Variants in TMEM131 observed in about 807,000 individuals in gnomAD.
TMEM131 encodes transmembrane protein 131.
A neutral mutation model predicts 211.6 loss-of-function variants in TMEM131; 66 were observed. The observed-to-expected ratio is 0.31, with a 90% CI of 0.26 to 0.38. TMEM131 has a LOEUF of 0.38. TMEM131 is among the 10% of genes least tolerant of loss of function. The pLI, the probability that TMEM131 is intolerant of heterozygous loss-of-function variation, is 1.00. For missense variants in TMEM131, 2,036 were observed against 2,299.3 expected (o/e 0.89, Z 2.34); for synonymous variants, 844 against 841.3 (o/e 1.00, Z -0.06).
At chr2:97,871,682 A>AT (rs1674494477) in intron 4 of TMEM131, among the ~76,000 whole-genome samples, 1 of 152,160 alleles carries the variant, frequency 6.6e-6, no homozygotes, top group Non-Finnish European at 1.5e-5. Flanking sequence ...ACCAATCAAC[A>AT]TTCCTCATTC....
chr2:97,977,952 T>TG (rs1469454576), intron 1 of TMEM131, among the ~76,000 whole-genome samples: 5 of 151,906 alleles, frequency 3.3e-5, no homozygotes, highest in East Asian at 1.9e-4. Flanking sequence ...CCAGGTGTGG[T>TG]GGGGGGCGCC....
At chr2:97,957,284 G>A (rs904158340) in intron 1 of TMEM131, among the ~76,000 whole-genome samples, 6 of 152,044 alleles carry the variant, frequency 3.9e-5, no homozygotes. Flanking sequence ...ATTTTGTTGT[G>A]CCTGGTACTT....
intron 4 of TMEM131, among the ~76,000 whole-genome samples, chr2:97,871,085 G>T (rs1674471933): frequency 6.6e-6 from 1 of 152,112 alleles, no homozygotes; most frequent in Non-Finnish European, 1.5e-5. Context: ...TTATAGCCAT[G>T]AAGTACCTAC....
At chr2:97,993,658 G>A (rs1466899616) in intron 1 of TMEM131, among the ~76,000 whole-genome samples, 1 of 152,108 alleles carries the variant, frequency 6.6e-6, no homozygotes, top group Non-Finnish European at 1.5e-5. Context: ...CCAGGCCACT[G>A]GCTGATTCAA....
chr2:97,977,530 A>G (rs1374191236), intron 1 of TMEM131, among the ~76,000 whole-genome samples: 2 of 152,330 alleles, frequency 1.3e-5, no homozygotes, highest in Non-Finnish European at 2.9e-5. Flanking sequence ...TCACACAATA[A>G]AGCAAGTCAG....
intron 1 of TMEM131, among the ~76,000 whole-genome samples, chr2:97,976,626 A>G (rs1448778807): frequency 2.6e-5 from 4 of 152,192 alleles, no homozygotes; most frequent in Admixed American, 6.5e-5. Context: ...TCAATACCCA[A>G]GAAGGCTCTG....
intron 28 of TMEM131, 91 bp from the exon 29 acceptor site, chr2:97,795,206 T>C (rs1160904764): frequency 2.2e-6 from 2 of 890,070 alleles, no homozygotes; most frequent in South Asian, 2.1e-5. Context: ...CTTTGAAATA[T>C]AACACAGAAT....
intron 2 of TMEM131, chr2:97,913,113 A>C (rs972932111): frequency 6.6e-6 from 1 of 152,152 alleles, no homozygotes; most frequent in African/African-American, 2.4e-5. Context: ...AGAGTTAAAA[A>C]ACTAAGAGGC....
chr2:97,853,871 A>G lies in TMEM131; in HGVS notation c.483+5433T>C, dbSNP rs141410355. Among the ~76,000 whole-genome samples the G allele has an allele frequency of 4.5e-3, 690 of 152,304 alleles. 7 individuals carry two copies. Among genetic ancestry groups the G allele is most frequent in the African/African-American group, 0.016 (665 of 41,562 alleles). On this transcript the variant is annotated intron_variant, in intron 5 of 40. Transcript: ENST00000186436. ...AGTTGTTTCTTAGGGATGAGCAAAA[A>G]AAGTGGTTTCGTGAGATGAAATCTA... is the stretch of plus-strand genomic sequence containing the variant.
At chr2:97,865,206 G>C (rs555857579) in intron 4 of TMEM131, among the ~76,000 whole-genome samples, 13 of 152,332 alleles carry the variant, frequency 8.5e-5, no homozygotes, top group African/African-American at 3.1e-4. Context: ...TAGCTCATAA[G>C]TTCACACACC....
At chr2:97,891,014 C>T (rs1217881748) in intron 3 of TMEM131, among the ~76,000 whole-genome samples, 1 of 152,114 alleles carries the variant, frequency 6.6e-6, no homozygotes, top group Non-Finnish European at 1.5e-5. Flanking sequence ...CGAGTGAGTA[C>T]GATACAAGTT....
chr2:97,783,509 A>G (rs1343024375), intron 31 of TMEM131, among the ~76,000 whole-genome samples: 1 of 152,134 alleles, frequency 6.6e-6, no homozygotes, highest in African/African-American at 2.4e-5. Flanking sequence ...GGGGGAAAGC[A>G]AAGAAACATA....
chr2:97,846,254 T>C (rs1430970763), intron 5 of TMEM131, among the ~76,000 whole-genome samples: 1 of 152,178 alleles, frequency 6.6e-6, no homozygotes, highest in Non-Finnish European at 1.5e-5. Context: ...TTGAAAAGTA[T>C]AAGCCAATAT....
chr2:97,767,754 A>C (rs1679243856), intron 33 of TMEM131, among the ~76,000 whole-genome samples: 1 of 151,992 alleles, frequency 6.6e-6, no homozygotes, highest in Non-Finnish European at 1.5e-5. Context: ...TCTGCTCCCA[A>C]CCCTCAAGTG....
intron 1 of TMEM131, among the ~76,000 whole-genome samples, chr2:97,994,440 A>T (rs944990611): frequency 1.3e-5 from 2 of 152,230 alleles, no homozygotes; most frequent in Non-Finnish European, 2.9e-5. Context: ...CTTTAATACT[A>T]ATTTGGTTTG....
chr2:97,835,985 T>C (rs990181547), intron 8 of TMEM131, among the ~76,000 whole-genome samples: 1 of 152,248 alleles, frequency 6.6e-6, no homozygotes, highest in Non-Finnish European at 1.5e-5. Context: ...ACCAATTATG[T>C]TTCACAGGAA....
intron 1 of TMEM131, among the ~76,000 whole-genome samples, chr2:97,927,871 G>T (rs533855596): frequency 1.4e-4 from 22 of 152,234 alleles, no homozygotes; most frequent in Non-Finnish European, 2.9e-4. Flanking sequence ...CCCAAGAAAT[G>T]ATCAGCTGAA....
At chr2:97,966,521 C>A (rs1477962332) in intron 1 of TMEM131, among the ~76,000 whole-genome samples, 5 of 152,088 alleles carry the variant, frequency 3.3e-5, no homozygotes, top group Non-Finnish European at 7.4e-5. Flanking sequence ...TTCCAACGAC[C>A]AATCCAGTGT....
intron 4 of TMEM131, among the ~76,000 whole-genome samples, chr2:97,875,086 C>A (rs1309705063): frequency 5.9e-5 from 9 of 152,112 alleles, no homozygotes; most frequent in Admixed American, 3.9e-4. Context: ...ATAAAACAGA[C>A]TTTAAACCAA....
Sources: allele counts gnomAD v4.1 joint callset (sites outside exome capture counted in the v4.1 genomes callset), GRCh38; gene constraint gnomAD v4.1.1; transcripts MANE v1.5; gene names NCBI Gene and HGNC (gene_info 2026-07-23, HGNC 2026-07-21).